The following PPP3CA variants were observed in gnomAD, a reference collection of about 807,000 sequenced individuals.
PPP3CA encodes the protein protein phosphatase 3 catalytic subunit alpha, also known as CAM-PRP catalytic subunit.
PPP3CA carries 14 observed loss-of-function variants against 66.5 expected under a neutral mutation model. That is an observed-to-expected ratio of 0.21 (90% CI 0.14 to 0.33). PPP3CA has a LOEUF of 0.33. Among genes scored for constraint, PPP3CA ranks in the 10% least tolerant of loss-of-function variants. The probability of loss-of-function intolerance (pLI) is 1.00; values close to 1 mark genes in which losing one functional copy is unlikely to be tolerated. For synonymous variants in PPP3CA, 232 were observed against 226.2 expected (o/e 1.03, Z -0.23); for missense variants, 317 against 639.5 (o/e 0.50, Z 5.44).
chr4:101,100,051 T>C (rs1472664991), intron 3 of PPP3CA, among the ~76,000 whole-genome samples: 1 of 151,964 alleles, frequency 6.6e-6, no homozygotes, highest in Non-Finnish European at 1.5e-5. Context: ...GGAAGAAACT[T>C]AACTAAAATA....
chr4:101,208,874 G>A (rs1725218442), intron 1 of PPP3CA, among the ~76,000 whole-genome samples: 1 of 152,042 alleles, frequency 6.6e-6, no homozygotes, highest in South Asian at 2.1e-4. Flanking sequence ...TCTTTGATTT[G>A]CTAATACTCT....
intron 1 of PPP3CA, among the ~76,000 whole-genome samples, chr4:101,200,966 A>G (rs1372762151): frequency 6.6e-6 from 1 of 152,180 alleles, no homozygotes; most frequent in Non-Finnish European, 1.5e-5. Context: ...AAAAATAGCT[A>G]CTCCAAACTG....
intron 1 of PPP3CA, among the ~76,000 whole-genome samples, chr4:101,250,950 G>C (rs1340592921): frequency 2.0e-5 from 3 of 151,660 alleles, no homozygotes; most frequent in African/African-American, 7.3e-5. Context: ...ACTAACAAAG[G>C]AAAGAAAAAA....
chr4:101,139,496 C>T (rs551984649), intron 2 of PPP3CA, among the ~76,000 whole-genome samples: 1 of 152,230 alleles, frequency 6.6e-6, no homozygotes, highest in South Asian at 2.1e-4. Flanking sequence ...TCTGTGTCCT[C>T]TAAGTACCCA....
At chr4:101,143,890 A>C (rs1024155197) in intron 2 of PPP3CA, among the ~76,000 whole-genome samples, 2 of 152,126 alleles carry the variant, frequency 1.3e-5, no homozygotes, top group Non-Finnish European at 2.9e-5. Context: ...AAATGAATCC[A>C]TTGCCTTCTT....
chr4:101,095,801 G>T (rs1243937427), intron 5 of PPP3CA, among the ~76,000 whole-genome samples: 2 of 151,998 alleles, frequency 1.3e-5, no homozygotes, highest in African/African-American at 4.8e-5. Context: ...ACAGGCGCGC[G>T]CCACCATGCC....
intron 12 of PPP3CA, among the ~76,000 whole-genome samples, chr4:101,030,978 G>GTT (rs1560569790): frequency 6.6e-6 from 1 of 150,784 alleles, no homozygotes; most frequent in Non-Finnish European, 1.5e-5. Flanking sequence ...TTTTAAAGTT[G>GTT]TTAAAATAAT....
chr4:101,301,961 T>C (rs915615363), intron 1 of PPP3CA, among the ~76,000 whole-genome samples: 1 of 151,978 alleles, frequency 6.6e-6, no homozygotes, highest in Non-Finnish European at 1.5e-5. Context: ...ATGTAGTTTA[T>C]AGAATATCCT....
chr4:101,198,903 A>T (rs1313717637), intron 1 of PPP3CA, among the ~76,000 whole-genome samples: 1 of 152,194 alleles, frequency 6.6e-6, no homozygotes, highest in African/African-American at 2.4e-5. Context: ...GGGACAAAGG[A>T]AAGGAAAAAG....
intron 1 of PPP3CA, among the ~76,000 whole-genome samples, chr4:101,306,313 A>G (rs1159844176): frequency 6.6e-6 from 1 of 152,040 alleles, no homozygotes; most frequent in Non-Finnish European, 1.5e-5. Flanking sequence ...CTACACCCCT[A>G]CTCACTCTTG....
At chr4:101,222,902 T>C (rs1021466875) in intron 1 of PPP3CA, among the ~76,000 whole-genome samples, 6 of 151,806 alleles carry the variant, frequency 4.0e-5, no homozygotes, top group African/African-American at 1.4e-4. Flanking sequence ...CAAGTTAAAA[T>C]TTAATTATCC....
chr4:101,333,298 T>G (rs868523403), intron 1 of PPP3CA, among the ~76,000 whole-genome samples: 2,315 of 123,008 alleles, frequency 0.019, 184 homozygotes, highest in African/African-American at 0.074. Context: ...TTTTTTTTTT[T>G]TTTTTTTTTT....
chr4:101,276,642 G>A (rs1560693686), intron 1 of PPP3CA, among the ~76,000 whole-genome samples: 1 of 152,002 alleles, frequency 6.6e-6, no homozygotes, highest in Non-Finnish European at 1.5e-5. Flanking sequence ...CATGTACCAT[G>A]TATTTATCAG....
chr4:101,054,752 A>G (rs1728156916), intron 10 of PPP3CA, among the ~76,000 whole-genome samples: 1 of 152,030 alleles, frequency 6.6e-6, no homozygotes, highest in Non-Finnish European at 1.5e-5. Context: ...GGTATAGGAC[A>G]TAGATGGTTT....
At chr4:101,159,294 G>A (rs1360329659) in intron 2 of PPP3CA, among the ~76,000 whole-genome samples, 1 of 152,108 alleles carries the variant, frequency 6.6e-6, no homozygotes. Context: ...TGCAGGCCAC[G>A]CTGCTCTAAC....
intron 2 of PPP3CA, among the ~76,000 whole-genome samples, chr4:101,147,471 TAA>T (rs1480041904): frequency 6.6e-6 from 1 of 152,014 alleles, no homozygotes; most frequent in African/African-American, 2.4e-5. Context: ...GGGTACTAAC[TAA>T]AAAAAGACAC....
chr4:101,197,892 A>C (rs1285576284), intron 1 of PPP3CA, among the ~76,000 whole-genome samples: 2 of 152,188 alleles, frequency 1.3e-5, no homozygotes. Flanking sequence ...TACCTGTAAC[A>C]AATAAACTAC....
chr4:101,301,242 T>A (rs995632023), intron 1 of PPP3CA, among the ~76,000 whole-genome samples: 1 of 151,746 alleles, frequency 6.6e-6, no homozygotes, highest in African/African-American at 2.4e-5. Context: ...AACATTCACA[T>A]TGTGTTTACT....
At chr4:101,288,492 G>T (rs751673259) in intron 1 of PPP3CA, among the ~76,000 whole-genome samples, 2 of 143,558 alleles carry the variant, frequency 1.4e-5, no homozygotes, top group African/African-American at 5.1e-5. Flanking sequence ...CAAATTAACA[G>T]ATTATAATTT....
Sources: gnomAD v4.1 joint callset for allele counts (sites outside exome capture counted in the v4.1 genomes callset) on GRCh38, gnomAD v4.1.1 for gene constraint, MANE v1.5 for transcripts, NCBI Gene and HGNC (gene_info 2026-07-23, HGNC 2026-07-21) for gene names.